APBB2: variants seen among roughly 807,000 people sequenced by gnomAD.
The protein encoded by APBB2 is Fe65-like 1.
In APBB2, 38 loss-of-function variants were observed where a neutral mutation model predicts 82.5. The ratio of observed to expected loss-of-function variants is 0.46; its 90% CI spans 0.36 to 0.60. APBB2 has a LOEUF of 0.60. Ranked by LOEUF, APBB2 falls within the 20% of genes least tolerant of loss-of-function variation. The pLI is 0.00. For synonymous variants in APBB2, 341 were observed against 368.2 expected (o/e 0.93, Z 0.85); for missense variants, 772 against 972.3 (o/e 0.79, Z 2.74).
chr4:40,874,419 T>C (rs530520117), intron 12 of APBB2, among the ~76,000 whole-genome samples: 1 of 152,268 alleles, frequency 6.6e-6, no homozygotes, highest in East Asian at 1.9e-4. Flanking sequence ...ATTTCCTTCC[T>C]GGGATCATCA....
intron 12 of APBB2, among the ~76,000 whole-genome samples, chr4:40,860,909 C>T (rs1022033822): frequency 3.9e-5 from 6 of 152,164 alleles, no homozygotes; most frequent in African/African-American, 9.7e-5. Context: ...CCATCTCTCC[C>T]ATGAGGCCTT....
At chr4:41,166,795 G>A (rs191410369) in intron 1 of APBB2, among the ~76,000 whole-genome samples, 1 of 152,066 alleles carries the variant, frequency 6.6e-6, no homozygotes, top group Admixed American at 6.5e-5. Context: ...TACTCAGGAG[G>A]TTGATGCAGG....
chr4:41,115,124 T>C (rs1369946838), intron 2 of APBB2, among the ~76,000 whole-genome samples: 1 of 151,966 alleles, frequency 6.6e-6, no homozygotes, highest in East Asian at 1.9e-4. Context: ...CTAAAACATA[T>C]ATACAGACCA....
chr4:40,907,388 T>A (rs1467601544), intron 10 of APBB2, among the ~76,000 whole-genome samples: 293 of 87,362 alleles, frequency 3.4e-3, no homozygotes, highest in Middle Eastern at 0.014. Flanking sequence ...TATTTTTTTT[T>A]TTTTTTTTTT....
chr4:40,900,462 T>TG (rs893410939), intron 10 of APBB2, among the ~76,000 whole-genome samples: 91 of 150,650 alleles, frequency 6.0e-4, no homozygotes, highest in Middle Eastern at 3.4e-3. Context: ...AGGTTTTTTT[T>TG]TTTTTTTTTT....
chr4:40,865,427 GA>G (rs373167682), intron 12 of APBB2, among the ~76,000 whole-genome samples: 1,533 of 152,318 alleles, frequency 0.01, 29 homozygotes, highest in African/African-American at 0.035. Flanking sequence ...AAGGGCTAAG[GA>G]GTGAAGACAA....
chr4:40,885,486 T>C (rs921630810), intron 12 of APBB2, among the ~76,000 whole-genome samples: 2 of 152,282 alleles, frequency 1.3e-5, no homozygotes, highest in Non-Finnish European at 2.9e-5. Flanking sequence ...CTGTCCCAGG[T>C]GTGCCTGCCC....
At chr4:41,143,673 A>T (rs575758063) in intron 1 of APBB2, among the ~76,000 whole-genome samples, 1 of 152,360 alleles carries the variant, frequency 6.6e-6, no homozygotes, top group South Asian at 2.1e-4. Flanking sequence ...GGGGGCTATA[A>T]AAAATTCTAA....
chr4:40,926,729 A>G (rs1209901263), intron 10 of APBB2, among the ~76,000 whole-genome samples: 1 of 152,236 alleles, frequency 6.6e-6, no homozygotes, highest in African/African-American at 2.4e-5. Context: ...CTTAAAGCTG[A>G]GAGAAGCGAT....
intron 1 of APBB2, among the ~76,000 whole-genome samples, chr4:41,175,593 A>C (rs1373549155): frequency 6.6e-6 from 1 of 152,140 alleles, no homozygotes; most frequent in African/African-American, 2.4e-5. Context: ...GTTTATTCCT[A>C]TTTACACCAG....
At chr4:41,159,928 G>A (rs763133108) in intron 1 of APBB2, among the ~76,000 whole-genome samples, 2,999 of 28,778 alleles carry the variant, frequency 0.1, 215 homozygotes, top group Non-Finnish European at 0.16. Context: ...GGAGGAGGAG[G>A]AGGAGGAGGA....
chr4:41,047,153 G>A (rs1372128780), intron 4 of APBB2, among the ~76,000 whole-genome samples: 2 of 152,172 alleles, frequency 1.3e-5, no homozygotes, highest in Admixed American at 6.5e-5. Context: ...CTGGAGTAAG[G>A]GGAATGAGGT....
At chr4:40,834,003 C>T (rs941350202) in intron 12 of APBB2, among the ~76,000 whole-genome samples, 1 of 152,180 alleles carries the variant, frequency 6.6e-6, no homozygotes, top group African/African-American at 2.4e-5. Flanking sequence ...TCTTCATTTT[C>T]CTCTGGCGCA....
chr4:40,980,122 A>C (rs1176313818), intron 6 of APBB2, among the ~76,000 whole-genome samples: 1 of 152,138 alleles, frequency 6.6e-6, no homozygotes, highest in Non-Finnish European at 1.5e-5. Flanking sequence ...TCCTCGGTTC[A>C]AGCAATTCTC....
At chr4:40,911,954 T>C (rs1374841733) in intron 10 of APBB2, among the ~76,000 whole-genome samples, 1 of 152,202 alleles carries the variant, frequency 6.6e-6, no homozygotes, top group Non-Finnish European at 1.5e-5. Flanking sequence ...GGCCTGCTCA[T>C]TAAATCGGAC....
At chr4:40,906,484 A>AAAAAAAG (rs1776772903) in intron 10 of APBB2, among the ~76,000 whole-genome samples, 1 of 141,554 alleles carries the variant, frequency 7.1e-6, no homozygotes, top group Non-Finnish European at 1.5e-5. Context: ...AAAAAAAAAA[A>AAAAAAAG]AAAAGAAAAG....
chr4:41,059,619 C>A (rs1342519489), intron 4 of APBB2, among the ~76,000 whole-genome samples: 1 of 152,260 alleles, frequency 6.6e-6, no homozygotes, highest in Non-Finnish European at 1.5e-5. Flanking sequence ...GCCTTAAGGG[C>A]ATGTTCCTGC....
chr4:41,160,025 AGAAGAAGAAGAAAAC>A (rs1425000106), intron 1 of APBB2, among the ~76,000 whole-genome samples: 2 of 147,686 alleles, frequency 1.4e-5, no homozygotes, highest in African/African-American at 5.3e-5. Context: ...AAGAAGAAGA[AGAAGAAGAAGAAAAC>A]ATCACAGGAT....
intron 1 of APBB2, among the ~76,000 whole-genome samples, chr4:41,169,962 T>G (rs1580592725): frequency 6.6e-6 from 1 of 152,252 alleles, no homozygotes; most frequent in East Asian, 1.9e-4. Context: ...TCTATTAATC[T>G]AAGAAAATCC....
Sources: allele counts gnomAD v4.1 joint callset (sites outside exome capture counted in the v4.1 genomes callset), GRCh38; gene constraint gnomAD v4.1.1; transcripts MANE v1.5; gene names NCBI Gene and HGNC (gene_info 2026-07-23, HGNC 2026-07-21).